GALNTL6: variants seen among roughly 807,000 people sequenced by gnomAD.
The protein encoded by GALNTL6 is polypeptide N-acetylgalactosaminyltransferase-like 6.
In GALNTL6, 46 loss-of-function variants were observed where a neutral mutation model predicts 73.7. The ratio of observed to expected loss-of-function variants is 0.62; its 90% CI spans 0.49 to 0.80. GALNTL6 has a LOEUF of 0.80. Ranked by LOEUF, GALNTL6 falls within the 30% of genes least tolerant of loss-of-function variation. The pLI is 0.00. For synonymous variants in GALNTL6, 259 were observed against 263.7 expected (o/e 0.98, Z 0.17); for missense variants, 604 against 755.0 (o/e 0.80, Z 2.34).
At chr4:172,678,863 G>A (rs1004552346) in intron 5 of GALNTL6, among the ~76,000 whole-genome samples, 3 of 152,098 alleles carry the variant, frequency 2.0e-5, no homozygotes, top group Admixed American at 6.5e-5. Context: ...TCTCCCACCC[G>A]TGATTTCATG....
intron 5 of GALNTL6, among the ~76,000 whole-genome samples, chr4:172,661,022 T>A (rs1156731398): frequency 3.3e-5 from 5 of 152,228 alleles, no homozygotes; most frequent in African/African-American, 1.2e-4. Context: ...GTGAATGTGA[T>A]GGTTAATTTT....
chr4:172,120,869 T>C (rs555672265), intron 2 of GALNTL6, among the ~76,000 whole-genome samples: 4 of 152,136 alleles, frequency 2.6e-5, no homozygotes, highest in African/African-American at 7.2e-5. Flanking sequence ...TGGAGAGTTT[T>C]TGGTCTCGGT....
At position 172,748,519 on chromosome 4, in the gene GALNTL6, T is replaced by C. The variant is rs186019664; in HGVS notation, c.554-60842T>C. ...ATAATGAAACAACATGGAAAAAAAA[T>C]GCTATTTCAGGGCCTGCTGTATGTG... On this transcript the variant is annotated intron_variant, in intron 5 of 12. Coordinates refer to ENST00000506823, the MANE Select transcript of GALNTL6 (RefSeq NM_001034845.3). Among the ~76,000 whole-genome samples the C allele has an allele frequency of 6.7e-4, 102 of 151,974 alleles. 3 individuals carry two copies. In the East Asian group the frequency reaches 0.017, roughly 26 times the overall value.
At chr4:172,396,789 A>T (rs1743864711) in intron 5 of GALNTL6, among the ~76,000 whole-genome samples, 1 of 152,242 alleles carries the variant, frequency 6.6e-6, no homozygotes, top group African/African-American at 2.4e-5. Flanking sequence ...TATAATTATC[A>T]GTGTGTTGCA....
In GALNTL6 at chr4:172,208,283, A is replaced by AAT. The variant is rs144329693; in HGVS notation, c.139-21372_139-21371dup. 4.0e-3 allele frequency among the ~76,000 whole-genome samples: 611 copies of AAT among 152,340 alleles called. 7 individuals carry two copies. The highest frequency in any genetic ancestry group is 0.014 in the African/African-American group (573 of 41,578). ...TCTTTTCATTTTAATTCTTTTACTA[A>AAT]ATCAATTATTACTGTAAATATGAAG... is the stretch of plus-strand genomic sequence containing the variant. On this transcript the variant is annotated intron_variant, in intron 2 of 12. Coordinates refer to ENST00000506823, the MANE Select transcript of GALNTL6 (RefSeq NM_001034845.3).
At chr4:172,488,403 T>C (rs930836096) in intron 5 of GALNTL6, among the ~76,000 whole-genome samples, 1 of 152,134 alleles carries the variant, frequency 6.6e-6, no homozygotes, top group Non-Finnish European at 1.5e-5. Context: ...GGTAAATAGA[T>C]AACTAGAGGA....
At chr4:172,100,617 T>C (rs72990337) in intron 2 of GALNTL6, among the ~76,000 whole-genome samples, 1,767 of 152,290 alleles carry the variant, frequency 0.012, 40 homozygotes, top group African/African-American at 0.039. Flanking sequence ...TGAATGTTTA[T>C]CATGTTCCAG....
chr4:172,410,516 C>T (rs570247611), intron 5 of GALNTL6, among the ~76,000 whole-genome samples: 2 of 152,096 alleles, frequency 1.3e-5, no homozygotes, highest in African/African-American at 2.4e-5. Flanking sequence ...TTTATGCCAC[C>T]AGTTTTATAT....
At chr4:172,676,410 T>C (rs1732303961) in intron 5 of GALNTL6, among the ~76,000 whole-genome samples, 1 of 152,192 alleles carries the variant, frequency 6.6e-6, no homozygotes, top group African/African-American at 2.4e-5. Context: ...TAAATATTTC[T>C]TGTTCTAAGG....
intron 2 of GALNTL6, among the ~76,000 whole-genome samples, chr4:171,845,701 C>T (rs569447237): frequency 6.6e-6 from 1 of 152,074 alleles, no homozygotes; most frequent in South Asian, 2.1e-4. Flanking sequence ...TGGAAGGAGA[C>T]CAAGTCTCCA....
intron 5 of GALNTL6, among the ~76,000 whole-genome samples, chr4:172,524,704 A>C (rs1194535235): frequency 6.6e-6 from 1 of 152,188 alleles, no homozygotes; most frequent in Non-Finnish European, 1.5e-5. Context: ...TACGGTGCTA[A>C]TATCTTCTTC....
At chr4:172,339,044 T>C (rs1741447406) in intron 4 of GALNTL6, among the ~76,000 whole-genome samples, 1 of 152,180 alleles carries the variant, frequency 6.6e-6, no homozygotes, top group Non-Finnish European at 1.5e-5. Context: ...GTGAGTGCTC[T>C]GAATGCCTGG....
Position 172,188,442 on chromosome 4 carries a change from G to A in GALNTL6, c.139-41214G>A, listed in dbSNP as rs115099512. Among the ~76,000 whole-genome samples the A allele has an allele frequency of 7.6e-3, 1,153 of 152,330 alleles. 20 individuals carry two copies. Among genetic ancestry groups the A allele is most frequent in the African/African-American group, 0.026 (1,098 of 41,584 alleles). On this transcript the variant is annotated intron_variant, in intron 2 of 12. Coordinates refer to ENST00000506823, the MANE Select transcript of GALNTL6 (RefSeq NM_001034845.3). ...TATGTTGAGCAACTACCAGGCCACA[G>A]GCACAGTACTAAACAGTGGGGACAC...
At chr4:172,500,646 A>G (rs997821165) in intron 5 of GALNTL6, among the ~76,000 whole-genome samples, 3 of 152,136 alleles carry the variant, frequency 2.0e-5, no homozygotes, top group African/African-American at 7.2e-5. Flanking sequence ...AAATCAAGCA[A>G]ATCTACCATT....
At chr4:172,901,676 A>C (rs1264511613) in intron 8 of GALNTL6, among the ~76,000 whole-genome samples, 1 of 152,348 alleles carries the variant, frequency 6.6e-6, no homozygotes, top group Non-Finnish European at 1.5e-5. Context: ...CCGAACGAAA[A>C]AAATTCCAGA....
At chr4:172,466,815 A>G (rs1732839088) in intron 5 of GALNTL6, among the ~76,000 whole-genome samples, 1 of 152,236 alleles carries the variant, frequency 6.6e-6, no homozygotes, top group Admixed American at 6.5e-5. Context: ...CTAGTGTCTT[A>G]TACTGCAAAT....
intron 5 of GALNTL6, among the ~76,000 whole-genome samples, chr4:172,591,848 T>C (rs1190753618): frequency 1.3e-5 from 2 of 152,180 alleles, no homozygotes; most frequent in African/African-American, 4.8e-5. Flanking sequence ...TATGGGTTCA[T>C]GTAGGTATTG....
chr4:171,827,939 C>T (rs1202393846), intron 2 of GALNTL6, among the ~76,000 whole-genome samples: 1 of 151,740 alleles, frequency 6.6e-6, no homozygotes, highest in African/African-American at 2.4e-5. Flanking sequence ...ACCATGTAGT[C>T]TAGTAATATA....
intron 2 of GALNTL6, among the ~76,000 whole-genome samples, chr4:171,879,362 T>C (rs936851444): frequency 3.9e-5 from 6 of 152,180 alleles, no homozygotes; most frequent in Non-Finnish European, 5.9e-5. Context: ...TCCTTACTAT[T>C]GTGCTTTTTT....
Sources: allele counts gnomAD v4.1 joint callset (sites outside exome capture counted in the v4.1 genomes callset), GRCh38; gene constraint gnomAD v4.1.1; transcripts MANE v1.5; gene names NCBI Gene and HGNC (gene_info 2026-07-23, HGNC 2026-07-21).